Variants in CDH12 observed in about 807,000 individuals in gnomAD.
CDH12 encodes cadherin-12.
CDH12 carries 41 observed loss-of-function variants against 74.1 expected under a neutral mutation model. That is an observed-to-expected ratio of 0.55 (90% confidence interval 0.43 to 0.72). CDH12 has a LOEUF of 0.72. CDH12 is among the 30% of genes least tolerant of loss of function. The probability of loss-of-function intolerance (pLI) is 0.00; values close to 1 mark genes in which losing one functional copy is unlikely to be tolerated. For missense variants in CDH12, 945 were observed against 977.2 expected, an observed-to-expected ratio of 0.97 and a Z score of 0.44; for synonymous variants, 399 against 355.0, an observed-to-expected ratio of 1.12 and a Z score of -1.39.
At chr5:21,967,910 C>T (rs1014713769) in intron 6 of CDH12, among the ~76,000 whole-genome samples, 5 of 152,252 alleles carry the variant, frequency 3.3e-5, no homozygotes, top group East Asian at 1.9e-4. Context: ...AGTGTTAAAG[C>T]GACTCAGCAG....
At chr5:21,832,936 AT>A (rs1364781684) in intron 8 of CDH12, among the ~76,000 whole-genome samples, 14 of 67,848 alleles carry the variant, frequency 2.1e-4, no homozygotes, top group African/African-American at 1.2e-3. Context: ...ATCATATATT[AT>A]ATATAATATC....
intron 3 of CDH12, among the ~76,000 whole-genome samples, chr5:22,253,112 G>A (rs1283007472): frequency 6.6e-6 from 1 of 151,738 alleles, no homozygotes; most frequent in African/African-American, 2.4e-5. Context: ...ATTATCTGTT[G>A]AATTAAATGA....
At chr5:22,799,569 G>A (rs1339544915) in intron 1 of CDH12, among the ~76,000 whole-genome samples, 1 of 152,126 alleles carries the variant, frequency 6.6e-6, no homozygotes, top group Non-Finnish European at 1.5e-5. Flanking sequence ...ATATTTCAGT[G>A]AGAGAACTTT....
At chr5:22,761,163 C>T (rs16899078) in intron 1 of CDH12, among the ~76,000 whole-genome samples, 12,974 of 152,148 alleles carry the variant, frequency 0.085, 766 homozygotes, top group African/African-American at 0.15. Context: ...TATTTATTCA[C>T]GTCTTTATCT....
intron 3 of CDH12, among the ~76,000 whole-genome samples, chr5:22,262,273 C>A: frequency 8.4e-6 from 1 of 118,892 alleles, no homozygotes; most frequent in Non-Finnish European, 1.7e-5. Context: ...CCCCCCTCCC[C>A]CCACCCCACA....
intron 1 of CDH12, among the ~76,000 whole-genome samples, chr5:22,700,433 CAGGTCAAATA>C (rs1742656567): frequency 6.6e-6 from 1 of 152,122 alleles, no homozygotes; most frequent in African/African-American, 2.4e-5. Context: ...CCTATAGTCC[CAGGTCAAATA>C]AGGCCTGATG....
At chr5:22,079,283 T>C (rs1486884746) in intron 4 of CDH12, among the ~76,000 whole-genome samples, 1 of 152,320 alleles carries the variant, frequency 6.6e-6, no homozygotes, top group African/African-American at 2.4e-5. Context: ...CACTTTTTTC[T>C]TCTACTTAAT....
At chr5:21,849,889 T>C (rs568525947) in intron 7 of CDH12, among the ~76,000 whole-genome samples, 1 of 151,800 alleles carries the variant, frequency 6.6e-6, no homozygotes, top group South Asian at 2.1e-4. Flanking sequence ...ATAGTCAATA[T>C]ATGAAAACAA....
At chr5:22,597,135 G>T (rs754430713) in intron 1 of CDH12, among the ~76,000 whole-genome samples, 7 of 152,166 alleles carry the variant, frequency 4.6e-5, no homozygotes, top group Non-Finnish European at 8.8e-5. Flanking sequence ...AAAATTCTTT[G>T]TCCTAAAAAC....
chr5:21,893,491 T>C (rs910352408), intron 6 of CDH12, among the ~76,000 whole-genome samples: 2 of 152,226 alleles, frequency 1.3e-5, no homozygotes, highest in African/African-American at 4.8e-5. Flanking sequence ...TCTTGCTAAA[T>C]AGTGCAGCTT....
chr5:22,852,187 GTA>G (rs1737587964), intron 1 of CDH12, among the ~76,000 whole-genome samples: 1 of 152,196 alleles, frequency 6.6e-6, no homozygotes, highest in Admixed American at 6.5e-5. Flanking sequence ...TCAGCCAGAA[GTA>G]TGTCAGTTCC....
At chr5:22,302,767 T>C (rs1043397264) in intron 3 of CDH12, among the ~76,000 whole-genome samples, 3 of 152,066 alleles carry the variant, frequency 2.0e-5, no homozygotes, top group Admixed American at 6.6e-5. Context: ...AAATGAACTA[T>C]TGTTTATTGT....
At chr5:22,834,735 C>G (rs527735906) in intron 1 of CDH12, among the ~76,000 whole-genome samples, 5 of 152,176 alleles carry the variant, frequency 3.3e-5, no homozygotes, top group African/African-American at 1.2e-4. Context: ...ACAAATTTTA[C>G]TGGCAAATGT....
chr5:22,556,109 A>G (rs1322314612), intron 1 of CDH12, among the ~76,000 whole-genome samples: 1 of 152,080 alleles, frequency 6.6e-6, no homozygotes, highest in Non-Finnish European at 1.5e-5. Context: ...CAGTTCAAAA[A>G]TAAATTTTAA....
At chr5:22,014,728 C>T (rs1288209436) in intron 5 of CDH12, among the ~76,000 whole-genome samples, 6 of 152,054 alleles carry the variant, frequency 3.9e-5, no homozygotes, top group Admixed American at 3.9e-4. Flanking sequence ...ATTTATCTGA[C>T]CCTTTCCCAC....
At chr5:22,190,946 G>C (rs183992853) in intron 4 of CDH12, among the ~76,000 whole-genome samples, 48 of 152,238 alleles carry the variant, frequency 3.2e-4, no homozygotes, top group African/African-American at 1.1e-3. Context: ...TATGTATTTC[G>C]CTCCCTTGCC....
At chr5:22,174,284 AC>A (rs1250454211) in intron 4 of CDH12, among the ~76,000 whole-genome samples, 4 of 151,932 alleles carry the variant, frequency 2.6e-5, no homozygotes, top group African/African-American at 9.7e-5. Flanking sequence ...CTTGCACAGT[AC>A]CTTGAACTTT....
At chr5:22,664,338 A>G (rs962296264) in intron 1 of CDH12, among the ~76,000 whole-genome samples, 2 of 152,166 alleles carry the variant, frequency 1.3e-5, no homozygotes, top group Admixed American at 1.3e-4. Flanking sequence ...GAAACTTACT[A>G]TCTAGGAAGA....
intron 1 of CDH12, among the ~76,000 whole-genome samples, chr5:22,642,277 A>G (rs1012236030): frequency 3.9e-5 from 6 of 152,196 alleles, no homozygotes; most frequent in Non-Finnish European, 8.8e-5. Flanking sequence ...ATATAGAGAC[A>G]TTTGATGTCC....
Sources: allele counts gnomAD v4.1 joint callset (sites outside exome capture counted in the v4.1 genomes callset), GRCh38; gene constraint gnomAD v4.1.1; transcripts MANE v1.5; gene names NCBI Gene and HGNC (gene_info 2026-07-23, HGNC 2026-07-21).